PAK5: variants seen among roughly 807,000 people sequenced by gnomAD.
PAK5 encodes serine/threonine-protein kinase PAK 5.
Under a neutral mutation model 65.9 loss-of-function variants are expected in PAK5, and 16 were observed. The ratio of observed to expected loss-of-function variants is 0.24; its 90% CI spans 0.16 to 0.37. The LOEUF (loss-of-function observed/expected upper bound fraction) is 0.37, where lower values mean the gene tolerates loss of function less well. PAK5 is among the 10% of genes least tolerant of loss of function. PAK5 has a pLI of 1.00. For synonymous variants in PAK5, 371 were observed against 354.9 expected (o/e 1.05, Z -0.51); for missense variants, 785 against 903.9 (o/e 0.87, Z 1.69).
intron 1 of PAK5, among the ~76,000 whole-genome samples, chr20:9,715,048 G>A (rs28628727): frequency 0.023 from 3,553 of 152,084 alleles, 147 homozygotes; most frequent in African/African-American, 0.081. Context: ...GACAAATGGG[G>A]TCTAATTAAA....
At chr20:9,748,219 C>A (rs2048531292) in intron 1 of PAK5, among the ~76,000 whole-genome samples, 1 of 152,168 alleles carries the variant, frequency 6.6e-6, no homozygotes, top group Admixed American at 6.5e-5. Flanking sequence ...ATTCCATGCT[C>A]ATGGGTAGGA....
intron 3 of PAK5, among the ~76,000 whole-genome samples, chr20:9,603,979 T>C (rs1326470271): frequency 6.6e-6 from 1 of 152,200 alleles, no homozygotes; most frequent in Non-Finnish European, 1.5e-5. Flanking sequence ...ATTTTCAAAT[T>C]TAATCCGCTA....
chr20:9,771,158 G>A (rs6039571), intron 1 of PAK5, among the ~76,000 whole-genome samples: 48,731 of 152,028 alleles, frequency 0.32, 8,097 homozygotes, highest in Middle Eastern at 0.45. Context: ...TTTTACAGAC[G>A]AGTAACTAAG....
At chr20:9,810,171 T>C (rs183731059) in intron 1 of PAK5, among the ~76,000 whole-genome samples, 164 of 152,150 alleles carry the variant, frequency 1.1e-3, no homozygotes, top group African/African-American at 3.9e-3. Context: ...ACCAGATCAA[T>C]AAAACCAGAA....
At chr20:9,707,190 G>A (rs1007868690) in intron 2 of PAK5, among the ~76,000 whole-genome samples, 2 of 151,866 alleles carry the variant, frequency 1.3e-5, no homozygotes, top group Admixed American at 6.6e-5. Context: ...GGAGTGCAGT[G>A]GTATGATCAC....
chr20:9,802,910 G>GTGTGTATATA (rs142279832), intron 1 of PAK5, among the ~76,000 whole-genome samples: 18 of 46,378 alleles, frequency 3.9e-4, no homozygotes, highest in South Asian at 1.4e-3. Flanking sequence ...ATATGTATGT[G>GTGTGTATATA]TATATATATA....
intron 1 of PAK5, among the ~76,000 whole-genome samples, chr20:9,766,282 A>ACTTG (rs1403495607): frequency 0.056 from 7,194 of 129,066 alleles, 1,108 homozygotes; most frequent in African/African-American, 0.071. Flanking sequence ...TATATATTCT[A>ACTTG]ATTGAATATA....
intron 1 of PAK5, among the ~76,000 whole-genome samples, chr20:9,776,402 G>A (rs1398344200): frequency 6.6e-6 from 1 of 152,188 alleles, no homozygotes; most frequent in East Asian, 1.9e-4. Flanking sequence ...TCCTTGCACT[G>A]TGGGAGCTTA....
At chr20:9,810,495 G>A (rs537218989) in intron 1 of PAK5, among the ~76,000 whole-genome samples, 6 of 152,248 alleles carry the variant, frequency 3.9e-5, no homozygotes, top group East Asian at 1.9e-4. Context: ...GCAGTGAGCC[G>A]TGATCACAAC....
intron 4 of PAK5, among the ~76,000 whole-genome samples, chr20:9,575,073 G>A (rs1172010205): frequency 6.6e-6 from 1 of 152,218 alleles, no homozygotes. Flanking sequence ...GGGCCCACTG[G>A]TTCAAGTGCT....
At chr20:9,694,173 C>T (rs6039551) in intron 2 of PAK5, among the ~76,000 whole-genome samples, 1 of 151,776 alleles carries the variant, frequency 6.6e-6, no homozygotes, top group Non-Finnish European at 1.5e-5. Context: ...GGACTGATAG[C>T]TGCAAAAAAT....
At chr20:9,766,245 T>TATATTTATATGCTCTAATTGA (rs2048756590) in intron 1 of PAK5, among the ~76,000 whole-genome samples, 2 of 38,758 alleles carry the variant, frequency 5.2e-5, no homozygotes, top group Non-Finnish European at 9.3e-5. Context: ...AAGAAAAAAA[T>TATATTTATATGCTCTAATTGA]ATATATATAT....
chr20:9,781,579 A>G (rs572909643), intron 1 of PAK5, among the ~76,000 whole-genome samples: 1 of 152,186 alleles, frequency 6.6e-6, no homozygotes, highest in Non-Finnish European at 1.5e-5. Context: ...TCTAACAGAC[A>G]ACTCAAACTC....
chr20:9,780,014 C>T (rs1478318358), intron 1 of PAK5, among the ~76,000 whole-genome samples: 7 of 152,032 alleles, frequency 4.6e-5, no homozygotes, highest in African/African-American at 1.4e-4. Flanking sequence ...CTCTCAATAA[C>T]AACATTTCTT....
At chr20:9,793,135 C>T (rs909988433) in intron 1 of PAK5, among the ~76,000 whole-genome samples, 1 of 152,118 alleles carries the variant, frequency 6.6e-6, no homozygotes, top group African/African-American at 2.4e-5. Context: ...ACTCCCTCTA[C>T]CTCTCAGTTC....
At chr20:9,620,273 C>G (rs967917674) in intron 3 of PAK5, among the ~76,000 whole-genome samples, 1 of 128,628 alleles carries the variant, frequency 7.8e-6, no homozygotes. Context: ...GTTGTGTCCT[C>G]AGCACTGGGC....
chr20:9,782,811 T>C (rs2048954511), intron 1 of PAK5, among the ~76,000 whole-genome samples: 4 of 152,148 alleles, frequency 2.6e-5, no homozygotes, highest in Admixed American at 2.6e-4. Context: ...ACTGCTGTGA[T>C]GACTATAGGG....
intron 1 of PAK5, among the ~76,000 whole-genome samples, chr20:9,770,926 T>C (rs1323445155): frequency 6.6e-6 from 1 of 152,066 alleles, no homozygotes; most frequent in Non-Finnish European, 1.5e-5. Context: ...GACAAACAAC[T>C]CAGATAGAGC....
In PAK5 at chr20:9,641,628, T is replaced by C. The variant is rs200947375; in HGVS notation, c.204+2497A>G. On this transcript the variant is annotated intron_variant, in intron 3 of 9. Coordinates refer to ENST00000353224, the MANE Select transcript of PAK5 (RefSeq NM_177990.4). ...TTGGGTGGTCGATGGGACTGGGCGCTGTGGAGCAGGGGGTGGTGCTCGTCA... is the reference window on the plus strand; with the variant it reads ...TTGGGTGGTCGATGGGACTGGGCGCCGTGGAGCAGGGGGTGGTGCTCGTCA... 1.3e-3 allele frequency among the ~76,000 whole-genome samples: 199 copies of C among 151,928 alleles called. 1 individual carries two copies. The highest frequency in any genetic ancestry group is 1.5e-3 in the Non-Finnish European group (99 of 67,938).
Sources: gnomAD v4.1 joint callset for allele counts (sites outside exome capture counted in the v4.1 genomes callset) on GRCh38, gnomAD v4.1.1 for gene constraint, MANE v1.5 for transcripts, NCBI Gene and HGNC (gene_info 2026-07-23, HGNC 2026-07-21) for gene names.